The following TRAK1 variants were observed in gnomAD, a reference collection of about 807,000 sequenced individuals.
TRAK1 encodes the protein trafficking kinesin protein 1, also known as trafficking kinesin-binding protein 1.
TRAK1 carries 33 observed loss-of-function variants against 92.1 expected under a neutral mutation model. That is an observed-to-expected ratio of 0.36 (90% confidence interval 0.27 to 0.48). The LOEUF (loss-of-function observed/expected upper bound fraction) is 0.48. TRAK1 is among the 20% of genes least tolerant of loss of function. The pLI, the probability that TRAK1 is intolerant of heterozygous loss-of-function variation, is 0.99. For missense variants in TRAK1, 1,123 were observed against 1,257.9 expected, an observed-to-expected ratio of 0.89 and a Z score of 1.62; for synonymous variants, 521 against 517.3, an observed-to-expected ratio of 1.01 and a Z score of -0.10.
At chr3:42,095,711 T>TATCATCGTCATCGTCATCATCATC (rs1705802375) in intron 1 of TRAK1, among the ~76,000 whole-genome samples, 1 of 118,256 alleles carries the variant, frequency 8.5e-6, no homozygotes, top group Non-Finnish European at 1.9e-5. Context: ...TGTTTGGCTT[T>TATCATCGTCATCGTCATCATCATC]ATCATCGTCA....
Position 42,222,955 on chromosome 3 carries a change from C to A in TRAK1, c.2080C>A (p.Pro694Thr). 3 of 1,613,308 alleles carry A rather than the reference C, an allele frequency of 1.9e-6. No individual in the cohort carries two copies. In the African/African-American group the frequency reaches 4.0e-5, roughly 22 times the overall value. The change falls in exon 16 of 16, where the codon CCA (proline) becomes ACA (threonine). Residue 694 changes from proline to threonine, a missense_variant. Pro to Thr is a conservative substitution (Grantham distance 38). Transcript: ENST00000327628. ...TRVTPSLNSA[P>T]TPACGSTSHL... ...TTCTTCTTTCAGCCTTAACTCAGCC[C>A]CAACTCCAGCTTGTGGCAGCACCAG... is the stretch of plus-strand genomic sequence containing the variant.
intron 1 of TRAK1, among the ~76,000 whole-genome samples, chr3:42,101,660 C>G (rs903557046): frequency 1.7e-4 from 26 of 152,208 alleles, no homozygotes; most frequent in Non-Finnish European, 7.3e-5. Context: ...ATGAAGCAGC[C>G]ATAGACATTC....
intron 3 of TRAK1, 127 bp downstream of exon 3, chr3:42,177,017 A>G: frequency 1.2e-6 from 1 of 802,470 alleles, no homozygotes; most frequent in Non-Finnish European, 2.0e-6. Flanking sequence ...TCGAGGTATA[A>G]TTTAATGGCT....
chr3:42,146,327 A>AT, intron 2 of TRAK1: 1 of 297,350 alleles, frequency 3.4e-6, no homozygotes, highest in Non-Finnish European at 6.9e-6. Flanking sequence ...TGACCTCAGT[A>AT]TTGGGATACT....
intron 1 of TRAK1, among the ~76,000 whole-genome samples, chr3:42,046,121 T>C (rs1309661763): frequency 6.6e-6 from 1 of 152,078 alleles, no homozygotes; most frequent in Non-Finnish European, 1.5e-5. Flanking sequence ...CCACTCTCTT[T>C]CCTATGTCAG....
At chr3:42,047,922 CTTTTTT>C (rs11422406) in intron 1 of TRAK1, among the ~76,000 whole-genome samples, 1 of 129,228 alleles carries the variant, frequency 7.7e-6, no homozygotes, top group Non-Finnish European at 1.6e-5. Flanking sequence ...AGTTTCTTTT[CTTTTTT>C]TTTTTTTTTT....
chr3:42,137,408 G>A (rs1239738743), intron 2 of TRAK1, among the ~76,000 whole-genome samples: 1 of 152,134 alleles, frequency 6.6e-6, no homozygotes, highest in African/African-American at 2.4e-5. Context: ...TTTTTTATCC[G>A]ATACCTGAGG....
chr3:42,078,762 A>C lies in TRAK1; in HGVS notation c.-518-8342A>C, dbSNP rs1186171542. Among the ~76,000 whole-genome samples the C allele has an allele frequency of 1.1e-4, 16 of 151,488 alleles. No individual in the cohort carries two copies. In the South Asian group the frequency reaches 1.7e-3, roughly 16 times the overall value. ...AGGGAGATTCCATCTCAAAAAAAAA[A>C]AAAAAAAAAAGAAAGAAAGAAAGAA... On this transcript the variant is annotated intron_variant, in intron 1 of 16. Coordinates refer to the TRAK1 transcript ENST00000487159.
chr3:42,035,255 C>G (rs544063079), intron 1 of TRAK1, among the ~76,000 whole-genome samples: 1 of 152,294 alleles, frequency 6.6e-6, no homozygotes, highest in East Asian at 1.9e-4. Context: ...TTTCCTCCTA[C>G]TTCTCCAACC....
intron 2 of TRAK1, among the ~76,000 whole-genome samples, chr3:42,158,290 C>G (rs891319935): frequency 4.6e-5 from 7 of 151,946 alleles, no homozygotes; most frequent in African/African-American, 1.7e-4. Context: ...ACACTGTGGC[C>G]GGCACAATAT....
chr3:42,015,576 G>T (rs1701489703), intron 1 of TRAK1, among the ~76,000 whole-genome samples: 1 of 152,154 alleles, frequency 6.6e-6, no homozygotes, highest in Non-Finnish European at 1.5e-5. Flanking sequence ...TTAAATGGAG[G>T]TGTCTGTAAA....
At chr3:42,090,240 A>G (rs545690617), upstream of TRAK1, among the ~76,000 whole-genome samples, 5 of 152,316 alleles carry the variant, frequency 3.3e-5, no homozygotes, top group Middle Eastern at 0.017. Flanking sequence ...CGATGACCCA[A>G]CCGCATCTAC....
intron 11 of TRAK1, 77 bp from the exon 12 acceptor site, chr3:42,200,741 T>G: frequency 1.4e-6 from 2 of 1,477,290 alleles, no homozygotes; most frequent in Non-Finnish European, 1.9e-6. Context: ...TTTGGCTCAG[T>G]TGATCATTTT....
chr3:42,187,905 A>T, intron 4 of TRAK1, 140 bp from the exon 5 acceptor site: 1 of 722,382 alleles, frequency 1.4e-6, no homozygotes, highest in Non-Finnish European at 2.4e-6. Context: ...GAATAGCACA[A>T]AATCAGTTTA....
At chr3:42,184,660 C>A in intron 3 of TRAK1, 25 bp from the exon 4 acceptor site, 1 of 1,610,090 alleles carries the variant, frequency 6.2e-7, no homozygotes, top group Non-Finnish European at 8.5e-7. Flanking sequence ...TTTTGAATCT[C>A]TGTTCTCCCT....
intron 2 of TRAK1, chr3:42,149,117 G>A (rs905840056): frequency 1.1e-5 from 10 of 903,284 alleles, no homozygotes; most frequent in Non-Finnish European, 1.3e-5. Context: ...TATGGCAACG[G>A]TTAGATTGAA....
At chr3:42,207,036 G>A (rs1393835945) in intron 13 of TRAK1, among the ~76,000 whole-genome samples, 2 of 152,140 alleles carry the variant, frequency 1.3e-5, no homozygotes, top group African/African-American at 4.8e-5. Context: ...GGATGAGGAG[G>A]TTGGCATTTC....
chr3:42,094,994 C>A (rs1705692982), intron 1 of TRAK1, among the ~76,000 whole-genome samples: 1 of 152,212 alleles, frequency 6.6e-6, no homozygotes, highest in African/African-American at 2.4e-5. Context: ...GTCCACTTCA[C>A]TCACAGTAAG....
At chr3:42,040,898 C>T (rs1199198052) in intron 1 of TRAK1, among the ~76,000 whole-genome samples, 8 of 152,036 alleles carry the variant, frequency 5.3e-5, no homozygotes, top group Non-Finnish European at 8.8e-5. Flanking sequence ...AGGTTGATCT[C>T]GAACTCCTGA....
Sources: allele counts gnomAD v4.1 joint callset (sites outside exome capture counted in the v4.1 genomes callset), GRCh38; gene constraint gnomAD v4.1.1; transcripts MANE v1.5; gene names NCBI Gene and HGNC (gene_info 2026-07-23, HGNC 2026-07-21).